PALM: variants seen among roughly 807,000 people sequenced by gnomAD.
PALM encodes paralemmin, also known as paralemmin-1.
Under a neutral mutation model 30.7 loss-of-function variants are expected in PALM, and 18 were observed. The observed-to-expected ratio is 0.59, with a 90% CI of 0.41 to 0.87. PALM has a LOEUF of 0.87. Ranked by LOEUF, PALM falls within the 40% of genes least tolerant of loss-of-function variation. The pLI, the probability that PALM is intolerant of heterozygous loss-of-function variation, is 0.00. For missense variants in PALM, 529 were observed against 555.4 expected (o/e 0.95, Z 0.48); for synonymous variants, 286 against 242.8 (o/e 1.18, Z -1.66).
intron 8 of PALM, among the ~76,000 whole-genome samples, chr19:743,354 C>T (rs975789465): frequency 3.3e-5 from 5 of 152,196 alleles, no homozygotes; most frequent in African/African-American, 9.6e-5. Context: ...TCCAGACCTG[C>T]CAGGCTGGAC....
chr19:712,774 C>A (rs969725040), intron 1 of PALM, among the ~76,000 whole-genome samples: 2 of 151,718 alleles, frequency 1.3e-5, no homozygotes, highest in African/African-American at 4.8e-5. Flanking sequence ...CTCCTGGGTT[C>A]AAGCGATTCT....
intron 2 of PALM, 136 bp from the exon 3 acceptor site, chr19:726,872 T>C: frequency 1.6e-6 from 1 of 625,538 alleles, no homozygotes; most frequent in Admixed American, 2.6e-5. Flanking sequence ...CGATCCGCTG[T>C]CACCTGGAAG....
At chr19:728,413 G>A (rs1599151380) in intron 4 of PALM, among the ~76,000 whole-genome samples, 1 of 152,228 alleles carries the variant, frequency 6.6e-6, no homozygotes, top group East Asian at 1.9e-4. Context: ...GCTGGGTTCT[G>A]ACCCCGTGGG....
chr19:743,362 G>A (rs116962250), intron 8 of PALM, among the ~76,000 whole-genome samples: 3,456 of 152,254 alleles, frequency 0.023, 63 homozygotes, highest in Non-Finnish European at 0.039. Flanking sequence ...TGCCAGGCTG[G>A]ACACTGGTTG....
Position 746,872 on chromosome 19 carries a change from C to G in PALM, c.*58C>G. ...ACCACAGACACCCACCAGCCCGGCCCCTCCCGGCGCCTGCCCACCCTCCAC... is the reference window on the plus strand; with the variant it reads ...ACCACAGACACCCACCAGCCCGGCCGCTCCCGGCGCCTGCCCACCCTCCAC... On this transcript the variant is annotated 3_prime_UTR_variant, in exon 9 of 9. Transcript: ENST00000338448. The surrounding 1 kb of genome is among the most constrained non-coding windows in gnomAD (Gnocchi z 7.1). 1.9e-6 allele frequency: 2 copies of G among 1,036,042 alleles called. No homozygotes were observed. Among genetic ancestry groups the G allele is most frequent in the Non-Finnish European group, 2.8e-6 (2 of 727,266 alleles). 64.2% of individuals were successfully genotyped at this position (1,036,042 alleles called of 1,614,324 possible).
Position 736,027 on chromosome 19 carries a change from G to A in PALM, c.451G>A (p.Val151Ile). Residue 151 changes from valine to isoleucine, a missense_variant, in exon 7 of 9, where the codon GTC becomes ATC. Val to Ile is a conservative substitution (Grantham distance 29). Coordinates refer to ENST00000338448, the MANE Select transcript of PALM (RefSeq NM_002579.3). The stretch of plus-strand genomic sequence containing the variant: ...TTCCACCTCCCGTGCAGACAAGCGA[G>A]TCTCCAACACGCCCCTGAGGACGGT... ...TPVGTPKDKR[V>I]SNTPLRTVDG... 1 of 1,610,018 alleles carries A rather than the reference G, an allele frequency of 6.2e-7. No homozygotes were observed. Among genetic ancestry groups the A allele is most frequent in the South Asian group, 1.1e-5 (1 of 90,452 alleles).
chr19:740,911 G>A (rs12980443), intron 8 of PALM, among the ~76,000 whole-genome samples: 23,405 of 150,680 alleles, frequency 0.16, 1,978 homozygotes, highest in African/African-American at 0.19. Flanking sequence ...GAGGAGGATC[G>A]CTTGAGCCCA....
In PALM at chr19:726,146, C is replaced by G; in HGVS notation, c.14C>G (p.Ala5Gly). The change falls in exon 2 of 9, where the codon GCG becomes GGG. Residue 5 changes from alanine to glycine, a missense_variant. Transcript: ENST00000338448. MEVL[A>G]AETTSQQERL... ...TTATCTCCCTCCCGCAGGGTCCTGG[C>G]GGCAGAGACCACGTCCCAGCAGGAG... 6.2e-7 allele frequency: 1 copy of G among 1,612,738 alleles called. No individual in the cohort carries two copies. Among genetic ancestry groups the G allele is most frequent in the Non-Finnish European group, 8.5e-7 (1 of 1,179,224 alleles).
intron 1 of PALM, among the ~76,000 whole-genome samples, chr19:717,130 A>G (rs2032290795): frequency 6.6e-6 from 1 of 152,162 alleles, no homozygotes; most frequent in African/African-American, 2.4e-5. Context: ...GGGTTTCACC[A>G]TATTGACCAG....
chr19:745,338 T>G (rs1381753415), intron 8 of PALM, among the ~76,000 whole-genome samples: 1 of 152,166 alleles, frequency 6.6e-6, no homozygotes, highest in Non-Finnish European at 1.5e-5. Context: ...TTTGCTATCT[T>G]TACAGCGGAA....
In PALM at chr19:709,187, C is replaced by G. The variant is rs1301315193; in HGVS notation, c.5+36C>G. The G allele has an allele frequency of 6.3e-6, 2 of 317,890 alleles. No individual in the cohort carries two copies. Among genetic ancestry groups the G allele is most frequent in the Non-Finnish European group, 1.1e-5 (2 of 174,142 alleles). The allele number at this position is 317,890 out of a possible 1,614,324, so 19.7% of individuals were successfully genotyped here. On this transcript the variant is annotated intron_variant, in intron 1 of 8. Coordinates refer to ENST00000338448, the MANE Select transcript of PALM (RefSeq NM_002579.3). This position sits in a 1 kb window ranked among gnomAD's most constrained non-coding sequence, Gnocchi z 4.3. ...GCGCTCGGGCCGCGGGGCTGGGGGC[C>G]CGGAGCTCCGGGAGCCGGGGAGGGG...
intron 2 of PALM, 43 bp from the exon 3 acceptor site, chr19:726,965 G>GGGGGGGGGCC: frequency 9.6e-7 from 1 of 1,037,614 alleles, no homozygotes. Flanking sequence ...GGGTCTCCGG[G>GGGGGGGGGCC]ACCCCCACGC....
At chr19:716,413 A>AAAC (rs2032260088) in intron 1 of PALM, among the ~76,000 whole-genome samples, 1 of 147,416 alleles carries the variant, frequency 6.8e-6, no homozygotes, top group African/African-American at 2.5e-5. Context: ...CTTTCTCTCA[A>AAAC]AAAAAAAAAA....
In PALM at chr19:725,937, C is replaced by T. The variant is rs188318434; in HGVS notation, c.6-201C>T. On this transcript the variant is annotated intron_variant, in intron 1 of 8. Coordinates refer to ENST00000338448, the MANE Select transcript of PALM (RefSeq NM_002579.3). ...ACCCTTCCTGGTCGCTAGGCAGAGC[C>T]TCGTCCCCTCCTGTCCTGGCTTCCT... is the stretch of plus-strand genomic sequence containing the variant. 1.1e-3 allele frequency among the ~76,000 whole-genome samples: 165 copies of T among 152,310 alleles called. 1 individual carries two copies. Among genetic ancestry groups the T allele is most frequent in the African/African-American group, 3.8e-3 (156 of 41,576 alleles).
At chr19:730,977 G>A in intron 4 of PALM, 118 bp from the exon 5 acceptor site, 1 of 669,994 alleles carries the variant, frequency 1.5e-6, no homozygotes, top group South Asian at 2.1e-5. Flanking sequence ...CTCCAGCCTG[G>A]GCAACAAGAG....
At chr19:720,594 G>C (rs1167153923) in intron 1 of PALM, among the ~76,000 whole-genome samples, 1 of 144,224 alleles carries the variant, frequency 6.9e-6, no homozygotes, top group Non-Finnish European at 1.5e-5. Context: ...GAGGGGCGAG[G>C]GGGGCGCCGG....
intron 1 of PALM, chr19:711,187 G>A (rs1479871723): frequency 5.1e-6 from 5 of 984,302 alleles, no homozygotes; most frequent in South Asian, 4.7e-5. Context: ...CCACAGGGCC[G>A]ATGCTGCCAA....
intron 7 of PALM, among the ~76,000 whole-genome samples, chr19:736,541 G>A (rs962530546): frequency 5.3e-5 from 8 of 152,176 alleles, no homozygotes; most frequent in Non-Finnish European, 8.8e-5. Flanking sequence ...CTGCGCTTCC[G>A]AGAAGCAGGG....
intron 1 of PALM, among the ~76,000 whole-genome samples, chr19:718,181 C>CAAA (rs200668058): frequency 6.6e-6 from 1 of 150,554 alleles, no homozygotes; most frequent in South Asian, 2.1e-4. Flanking sequence ...GACTCCATCT[C>CAAA]AAAAAAAAAG....
Sources: allele counts gnomAD v4.1 joint callset (sites outside exome capture counted in the v4.1 genomes callset), GRCh38; gene constraint gnomAD v4.1.1; non-coding constraint Gnocchi (gnomAD v3.1); transcripts MANE v1.5; gene names NCBI Gene and HGNC (gene_info 2026-07-23, HGNC 2026-07-21).